The following ZFAND3 variants were observed in gnomAD, a reference collection of about 807,000 sequenced individuals.
The protein encoded by ZFAND3 is AN1-type zinc finger protein 3.
ZFAND3 carries 10 observed loss-of-function variants against 29.6 expected under a neutral mutation model. The ratio of observed to expected loss-of-function variants is 0.34; its 90% confidence interval spans 0.21 to 0.57. The LOEUF (loss-of-function observed/expected upper bound fraction) is 0.57, where lower values mean the gene tolerates loss of function less well. ZFAND3 is among the 20% of genes least tolerant of loss of function. The pLI is 0.86. For missense variants in ZFAND3, 230 were observed against 304.5 expected (o/e 0.76, Z 1.82); for synonymous variants, 128 against 112.6 (o/e 1.14, Z -0.87).
intron 3 of ZFAND3, among the ~76,000 whole-genome samples, chr6:38,066,623 A>AT (rs1218889675): frequency 1.3e-5 from 2 of 151,922 alleles, no homozygotes; most frequent in Admixed American, 6.6e-5. Flanking sequence ...AGGTTTTATT[A>AT]TTTTTTTTCC....
intron 1 of ZFAND3, among the ~76,000 whole-genome samples, chr6:37,883,417 A>G (rs1581732515): frequency 6.6e-6 from 1 of 152,014 alleles, no homozygotes; most frequent in South Asian, 2.1e-4. Context: ...CCCACCCCCT[A>G]CCCTTCGCTG....
intron 4 of ZFAND3, among the ~76,000 whole-genome samples, chr6:38,102,234 A>G (rs1490613032): frequency 6.6e-6 from 1 of 152,150 alleles, no homozygotes; most frequent in Non-Finnish European, 1.5e-5. Flanking sequence ...GAAAGCTTGC[A>G]TTATAAGTCA....
At chr6:38,034,616 C>T (rs1763624038) in intron 2 of ZFAND3, among the ~76,000 whole-genome samples, 1 of 151,984 alleles carries the variant, frequency 6.6e-6, no homozygotes, top group Non-Finnish European at 1.5e-5. Context: ...TCCAGTGTGG[C>T]TTCAAAATTA....
chr6:38,107,725 C>T lies in ZFAND3; in HGVS notation c.362-8847C>T, dbSNP rs149555674. Among the ~76,000 whole-genome samples the T allele has an allele frequency of 5.8e-3, 881 of 152,138 alleles. 8 individuals carry two copies. Among genetic ancestry groups the T allele is most frequent in the Non-Finnish European group, 9.8e-3 (664 of 67,986 alleles). On this transcript the variant is annotated intron_variant, in intron 4 of 5. Transcript: ENST00000287218. The stretch of plus-strand genomic sequence containing the variant: ...GCTCACACCTGTAGTCCCAGCTACT[C>T]GAGAGGCTGAGGCAGGAAGATCACT...
At chr6:38,079,978 T>G (rs897872952) in intron 3 of ZFAND3, among the ~76,000 whole-genome samples, 1 of 152,012 alleles carries the variant, frequency 6.6e-6, no homozygotes, top group African/African-American at 2.4e-5. Flanking sequence ...TCCCTCAGGA[T>G]GTACATTTAA....
Position 38,152,811 on chromosome 6 carries a change from T to A in ZFAND3, c.*422T>A. 1 of 987,492 alleles carries A rather than the reference T, an allele frequency of 1.0e-6. No homozygotes were observed. The highest frequency in any genetic ancestry group is 1.2e-6 in the Non-Finnish European group (1 of 831,084). The allele number at this position is 987,492 out of a possible 1,614,324, so 61.2% of individuals were successfully genotyped here. A position where few individuals can be genotyped will look rare whatever the true frequency, so the allele number is the denominator to read the frequency against. On this transcript the variant is annotated 3_prime_UTR_variant, in exon 6 of 6. Coordinates refer to ENST00000287218, the MANE Select transcript of ZFAND3 (RefSeq NM_021943.3). Reference sequence around the variant, plus strand: ...CTTTGCCAGAAACTCTGTTTAATGATCGGCCTTTCACCTCTTCACTTATCC... The same window carrying A: ...CTTTGCCAGAAACTCTGTTTAATGAACGGCCTTTCACCTCTTCACTTATCC...
intron 2 of ZFAND3, among the ~76,000 whole-genome samples, chr6:37,932,278 TAAATA>T (rs1761613011): frequency 2.0e-5 from 3 of 150,910 alleles, no homozygotes; most frequent in Admixed American, 2.0e-4. Context: ...AAAAAATAAA[TAAATA>T]AAAGGACTGT....
intron 2 of ZFAND3, among the ~76,000 whole-genome samples, chr6:38,039,609 G>A (rs1265395343): frequency 6.6e-6 from 1 of 152,136 alleles, no homozygotes; most frequent in Non-Finnish European, 1.5e-5. Context: ...GCTAGTTATA[G>A]TGTAAGACAT....
At chr6:37,914,936 A>C (rs1045356525) in intron 1 of ZFAND3, among the ~76,000 whole-genome samples, 1 of 152,152 alleles carries the variant, frequency 6.6e-6, no homozygotes, top group Non-Finnish European at 1.5e-5. Flanking sequence ...GAAGCCCAGC[A>C]TTGACTTATC....
At chr6:38,088,714 T>C (rs947937943) in intron 4 of ZFAND3, among the ~76,000 whole-genome samples, 2 of 152,214 alleles carry the variant, frequency 1.3e-5, no homozygotes, top group Non-Finnish European at 2.9e-5. Context: ...CCAGCACATA[T>C]GTTGAGTAGA....
intron 5 of ZFAND3, among the ~76,000 whole-genome samples, chr6:38,131,249 AAAAC>A (rs1456614588): frequency 2.0e-5 from 3 of 152,184 alleles, no homozygotes; most frequent in South Asian, 4.1e-4. Context: ...CTTTTCAAAA[AAAAC>A]AGCTTTTTGT....
chr6:37,819,853 C>T lies in ZFAND3; in HGVS notation c.-93C>T, dbSNP rs1763624942. On this transcript the variant is annotated 5_prime_UTR_variant, in exon 1 of 6. Coordinates refer to ENST00000287218, the MANE Select transcript of ZFAND3 (RefSeq NM_021943.3). Reference sequence around the variant, plus strand: ...CTTCCCCCTCCCCCCGCCCCGAGCCCCCCGACGCCGCCGCCACCGCCTCCT... The same window carrying T: ...CTTCCCCCTCCCCCCGCCCCGAGCCTCCCGACGCCGCCGCCACCGCCTCCT... 2 of 947,580 alleles carry T rather than the reference C, an allele frequency of 2.1e-6. No homozygotes were observed. Among genetic ancestry groups the T allele is most frequent in the East Asian group, 5.1e-5 (1 of 19,528 alleles). The allele number at this position is 947,580 out of a possible 1,614,324, so 58.7% of individuals were successfully genotyped here.
chr6:38,128,598 C>G (rs144221603), intron 5 of ZFAND3, among the ~76,000 whole-genome samples: 25 of 152,286 alleles, frequency 1.6e-4, no homozygotes, highest in African/African-American at 5.5e-4. Context: ...TTTTTCCATT[C>G]CTGAGTTACT....
chr6:37,963,696 C>T (rs1225919181), intron 2 of ZFAND3, among the ~76,000 whole-genome samples: 1 of 152,074 alleles, frequency 6.6e-6, no homozygotes, highest in Non-Finnish European at 1.5e-5. Context: ...AGTTTCCAGT[C>T]TGCTTCTGAA....
chr6:37,839,817 G>A (rs1363578406), intron 1 of ZFAND3, among the ~76,000 whole-genome samples: 1 of 151,888 alleles, frequency 6.6e-6, no homozygotes, highest in East Asian at 1.9e-4. Context: ...CCGGCCATAA[G>A]TTGTAAAATT....
intron 1 of ZFAND3, among the ~76,000 whole-genome samples, chr6:37,851,567 C>T (rs575328735): frequency 1.4e-5 from 2 of 148,076 alleles, no homozygotes; most frequent in East Asian, 3.9e-4. Flanking sequence ...ATTGTTGTTC[C>T]CTACTTACAG....
At chr6:37,956,208 A>G (rs910359476) in intron 2 of ZFAND3, among the ~76,000 whole-genome samples, 11 of 152,254 alleles carry the variant, frequency 7.2e-5, no homozygotes, top group East Asian at 1.9e-4. Context: ...GCTCAGGGCA[A>G]TATTTCTAAA....
intron 1 of ZFAND3, among the ~76,000 whole-genome samples, chr6:37,900,830 T>C (rs947848805): frequency 9.9e-5 from 15 of 152,076 alleles, no homozygotes; most frequent in Non-Finnish European, 1.8e-4. Context: ...GGCTAATTGG[T>C]GATCAATACT....
chr6:37,942,101 G>A (rs894877528), intron 2 of ZFAND3, among the ~76,000 whole-genome samples: 1 of 152,050 alleles, frequency 6.6e-6, no homozygotes, highest in African/African-American at 2.4e-5. Context: ...GTGTGCTTTA[G>A]GGACCTGGCT....
Sources: gnomAD v4.1 joint callset for allele counts (sites outside exome capture counted in the v4.1 genomes callset) on GRCh38, gnomAD v4.1.1 for gene constraint, MANE v1.5 for transcripts, NCBI Gene and HGNC (gene_info 2026-07-23, HGNC 2026-07-21) for gene names.